RBMS3: variants seen among roughly 807,000 people sequenced by gnomAD.
The protein encoded by RBMS3 is RNA binding motif single stranded interacting protein 3.
In RBMS3, 27 loss-of-function variants were observed where a neutral mutation model predicts 66.8. The ratio of observed to expected loss-of-function variants is 0.40; its 90% CI spans 0.30 to 0.56. The LOEUF is 0.56. Among genes scored for constraint, RBMS3 ranks in the 20% least tolerant of loss-of-function variants. RBMS3 has a pLI of 0.40. For synonymous variants in RBMS3, 188 were observed against 183.0 expected (o/e 1.03, Z -0.22); for missense variants, 513 against 549.5 (o/e 0.93, Z 0.66).
At chr3:29,500,062 T>C (rs1037241762) in intron 3 of RBMS3, among the ~76,000 whole-genome samples, 3 of 141,690 alleles carry the variant, frequency 2.1e-5, no homozygotes, top group African/African-American at 8.7e-5. Flanking sequence ...ATGAGAAGGA[T>C]TTTCTTTTTT....
At chr3:30,000,995 A>AACCTGC (rs1241366869) in intron 14 of RBMS3, among the ~76,000 whole-genome samples, 2 of 152,072 alleles carry the variant, frequency 1.3e-5, no homozygotes, top group African/African-American at 4.8e-5. Context: ...CTATGTAACA[A>AACCTGC]ACCTGCACGT....
At chr3:29,776,404 G>A (rs1423431238) in intron 6 of RBMS3, among the ~76,000 whole-genome samples, 3 of 151,818 alleles carry the variant, frequency 2.0e-5, no homozygotes, top group African/African-American at 4.8e-5. Flanking sequence ...CCATTAACTC[G>A]TCATTTAACA....
At chr3:29,971,556 C>T (rs945619451) in intron 12 of RBMS3, among the ~76,000 whole-genome samples, 7 of 151,920 alleles carry the variant, frequency 4.6e-5, no homozygotes, top group Non-Finnish European at 1.0e-4. Context: ...GCTTTTTTAA[C>T]GGACTTTATT....
intron 4 of RBMS3, among the ~76,000 whole-genome samples, chr3:29,609,351 A>G (rs1190451667): frequency 8.6e-5 from 13 of 152,008 alleles, no homozygotes; most frequent in Admixed American, 2.0e-4. Context: ...ACAGACCTCA[A>G]TGAAAGAACT....
intron 6 of RBMS3, among the ~76,000 whole-genome samples, chr3:29,847,935 C>G (rs2058829696): frequency 6.6e-6 from 1 of 152,088 alleles, no homozygotes; most frequent in East Asian, 1.9e-4. Flanking sequence ...GGATTACAGG[C>G]GTCAATTTTG....
At chr3:29,583,179 C>G (rs139672498) in intron 3 of RBMS3, among the ~76,000 whole-genome samples, 40 of 152,164 alleles carry the variant, frequency 2.6e-4, no homozygotes, top group African/African-American at 9.2e-4. Context: ...TGTCTCCTAC[C>G]CTCACAGAAA....
At chr3:29,599,137 G>C (rs1050391688) in intron 4 of RBMS3, among the ~76,000 whole-genome samples, 1 of 150,598 alleles carries the variant, frequency 6.6e-6, no homozygotes, top group African/African-American at 2.4e-5. Flanking sequence ...GGCAAGCATG[G>C]TGGGCAGAGA....
At chr3:29,842,232 T>C (rs1266551527) in intron 6 of RBMS3, among the ~76,000 whole-genome samples, 1 of 152,140 alleles carries the variant, frequency 6.6e-6, no homozygotes, top group Non-Finnish European at 1.5e-5. Context: ...TGGGACCAAA[T>C]CTATTTTGAA....
intron 6 of RBMS3, among the ~76,000 whole-genome samples, chr3:29,856,225 G>T (rs557702640): frequency 9.9e-5 from 15 of 152,144 alleles, no homozygotes; most frequent in Admixed American, 3.3e-4. Flanking sequence ...TCAGGCAAGG[G>T]TGAATAAATA....
At chr3:29,459,849 A>G (rs2042316033) in intron 2 of RBMS3, among the ~76,000 whole-genome samples, 1 of 152,202 alleles carries the variant, frequency 6.6e-6, no homozygotes, top group South Asian at 2.1e-4. Context: ...AGAACTTAGA[A>G]CTGAGGGAAC....
intron 6 of RBMS3, among the ~76,000 whole-genome samples, chr3:29,847,899 G>A (rs1048112512): frequency 1.3e-5 from 2 of 152,028 alleles, no homozygotes; most frequent in African/African-American, 4.8e-5. Flanking sequence ...CTCGTGATCC[G>A]CCCGCCTCGG....
intron 6 of RBMS3, chr3:29,767,490 A>G (rs1295676418): frequency 1.3e-5 from 2 of 152,014 alleles, no homozygotes; most frequent in African/African-American, 2.4e-5. Flanking sequence ...TAAAAATTTA[A>G]CAACTCTTGT....
At chr3:29,802,953 G>A (rs1191188897) in intron 6 of RBMS3, among the ~76,000 whole-genome samples, 1 of 152,190 alleles carries the variant, frequency 6.6e-6, no homozygotes, top group African/African-American at 2.4e-5. Context: ...TGATCGAGGT[G>A]AGGGAGTTGG....
chr3:29,977,921 G>T (rs964931239), intron 12 of RBMS3, among the ~76,000 whole-genome samples: 1 of 151,080 alleles, frequency 6.6e-6, no homozygotes, highest in African/African-American at 2.4e-5. Flanking sequence ...AAAAAAAAAA[G>T]CTTAAGAATA....
chr3:29,375,523 C>A (rs867441006), intron 1 of RBMS3, among the ~76,000 whole-genome samples: 5 of 152,060 alleles, frequency 3.3e-5, no homozygotes, highest in Middle Eastern at 3.4e-3. Flanking sequence ...AACAAATAAC[C>A]CCATTAAAAA....
At chr3:29,751,916 G>C (rs1396097420) in intron 5 of RBMS3, among the ~76,000 whole-genome samples, 1 of 152,182 alleles carries the variant, frequency 6.6e-6, no homozygotes, top group African/African-American at 2.4e-5. Flanking sequence ...CCTAGGGGTT[G>C]CCTACGACCC....
chr3:29,691,802 C>T (rs552723751), intron 4 of RBMS3, among the ~76,000 whole-genome samples: 2 of 152,172 alleles, frequency 1.3e-5, no homozygotes, highest in South Asian at 2.1e-4. Flanking sequence ...GTTTCTTCCT[C>T]TAGATGCCAT....
chr3:29,537,313 A>C (rs2045594804), intron 3 of RBMS3, among the ~76,000 whole-genome samples: 1 of 152,150 alleles, frequency 6.6e-6, no homozygotes, highest in Non-Finnish European at 1.5e-5. Context: ...ATACTGTTTT[A>C]TTTTACTTGG....
At chr3:29,837,774 G>C (rs749483213) in intron 6 of RBMS3, among the ~76,000 whole-genome samples, 78 of 144,384 alleles carry the variant, frequency 5.4e-4, no homozygotes, top group Non-Finnish European at 7.2e-4. Flanking sequence ...ATGCCTTAAT[G>C]ATCATGTGTT....
Sources: gnomAD v4.1 joint callset for allele counts (sites outside exome capture counted in the v4.1 genomes callset) on GRCh38, gnomAD v4.1.1 for gene constraint, MANE v1.5 for transcripts, NCBI Gene and HGNC (gene_info 2026-07-23, HGNC 2026-07-21) for gene names.